The following MARCHF8 variants were observed in gnomAD, a reference collection of about 807,000 sequenced individuals.
The protein encoded by MARCHF8 is membrane associated ring-CH-type finger 8, also known as E3 ubiquitin-protein ligase MARCHF8.
MARCHF8 carries 40 observed loss-of-function variants against 51.6 expected under a neutral mutation model. The ratio of observed to expected loss-of-function variants is 0.77; its 90% confidence interval spans 0.60 to 1.01. The LOEUF is 1.01. MARCHF8 is among the 50% of genes least tolerant of loss of function. MARCHF8 has a pLI of 0.00. For synonymous variants in MARCHF8, 263 were observed against 280.3 expected, an observed-to-expected ratio of 0.94 and a Z score of 0.62; for missense variants, 685 against 708.6, an observed-to-expected ratio of 0.97 and a Z score of 0.38.
chr10:45,566,064 AC>A (rs1231474644), intron 1 of MARCHF8, among the ~76,000 whole-genome samples: 2 of 152,144 alleles, frequency 1.3e-5, no homozygotes, highest in Non-Finnish European at 2.9e-5. Context: ...GTCATTTTAA[AC>A]AGCAAAGTCA....
intron 2 of MARCHF8, among the ~76,000 whole-genome samples, chr10:45,519,745 G>A (rs1030433745): frequency 1.3e-5 from 2 of 152,128 alleles, no homozygotes; most frequent in African/African-American, 2.4e-5. Flanking sequence ...TTTGGACCAT[G>A]GGCTATGATT....
chr10:45,557,318 G>A (rs185847101), intron 1 of MARCHF8, among the ~76,000 whole-genome samples: 4 of 151,596 alleles, frequency 2.6e-5, no homozygotes, highest in African/African-American at 4.8e-5. Flanking sequence ...TAGTAGAGAC[G>A]GGGTTTTGCC....
intron 1 of MARCHF8, among the ~76,000 whole-genome samples, chr10:45,581,065 G>C (rs2044550268): frequency 6.6e-6 from 1 of 152,090 alleles, no homozygotes; most frequent in African/African-American, 2.4e-5. Context: ...AGAGTAGGAA[G>C]ACCTTAACCA....
intron 1 of MARCHF8, among the ~76,000 whole-genome samples, chr10:45,592,786 A>G (rs2044695969): frequency 6.6e-6 from 1 of 152,230 alleles, no homozygotes; most frequent in Non-Finnish European, 1.5e-5. Flanking sequence ...TGTTGGAGCT[A>G]AGGCTGCCAG....
At chr10:45,507,658 A>G (rs1034687570) in intron 2 of MARCHF8, among the ~76,000 whole-genome samples, 2 of 152,176 alleles carry the variant, frequency 1.3e-5, no homozygotes, top group African/African-American at 4.8e-5. Context: ...AAGACCCTAC[A>G]TCCAACATTG....
intron 2 of MARCHF8, among the ~76,000 whole-genome samples, chr10:45,520,279 A>G (rs983328896): frequency 1.3e-5 from 2 of 152,338 alleles, no homozygotes; most frequent in Non-Finnish European, 2.9e-5. Flanking sequence ...ATTTTAATCC[A>G]TAAATGTTAT....
rs569782455 is a variant in MARCHF8 at position 45,473,049 on chromosome 10, A to C, written c.154-8722T>G. Among the ~76,000 whole-genome samples the C allele has an allele frequency of 1.3e-3, 201 of 152,334 alleles. 1 individual carries two copies. The highest frequency in any genetic ancestry group is 4.4e-3 in the African/African-American group (181 of 41,576). On this transcript the variant is annotated intron_variant, in intron 3 of 7. Transcript: ENST00000453424. ...CAACTCTGCATTCAGAAACAGAAAG[A>C]AGCAAACCCTGGTCTTGACAATCAC...
Position 45,457,927 on chromosome 10 carries a change from C to T in MARCHF8, c.*312G>A. 1 of 314,238 alleles carries T rather than the reference C, an allele frequency of 3.2e-6. No homozygotes were observed. The highest frequency in any genetic ancestry group is 4.9e-5 in the Admixed American group (1 of 20,426). The allele number at this position is 314,238 out of a possible 1,614,324, so 19.5% of individuals were successfully genotyped here. ...CTGGGCACCCCTGCTCCTCCTCTTC[C>T]CTTGGGATTGGCATTTTATTCTCTC... On this transcript the variant is annotated 3_prime_UTR_variant, in exon 8 of 8. Transcript: ENST00000453424.
At chr10:45,479,034 G>A (rs1024733582) in intron 3 of MARCHF8, among the ~76,000 whole-genome samples, 4 of 152,010 alleles carry the variant, frequency 2.6e-5, no homozygotes, top group Non-Finnish European at 5.9e-5. Context: ...AACCAGACAA[G>A]GACACAACAA....
chr10:45,470,485 G>C (rs1843137354), intron 3 of MARCHF8, among the ~76,000 whole-genome samples: 1 of 152,126 alleles, frequency 6.6e-6, no homozygotes, highest in South Asian at 2.1e-4. Flanking sequence ...GCACTTGTGG[G>C]ATTCCATTGG....
chr10:45,510,802 G>A (rs138614972), intron 2 of MARCHF8, among the ~76,000 whole-genome samples: 1 of 152,244 alleles, frequency 6.6e-6, no homozygotes, highest in East Asian at 1.9e-4. Flanking sequence ...TTCATCTAGG[G>A]TCTCTGGATT....
intron 2 of MARCHF8, among the ~76,000 whole-genome samples, chr10:45,491,318 G>A (rs971808172): frequency 6.6e-6 from 1 of 152,154 alleles, no homozygotes; most frequent in Non-Finnish European, 1.5e-5. Context: ...CGGGCAGATT[G>A]CCTGAGGTCA....
rs186397931 is a variant in MARCHF8 at position 45,531,178 on chromosome 10, A to C, written c.102+1932T>G. ...TGTGTATACTGGAGTCCCCAAAGAA[A>C]GAATGGGGGGACAGAAAAAGTATCT... On this transcript the variant is annotated intron_variant, in intron 2 of 7. Transcript: ENST00000453424. 1.3e-3 allele frequency among the ~76,000 whole-genome samples: 197 copies of C among 152,350 alleles called. 1 individual carries two copies. The highest frequency in any genetic ancestry group is 3.6e-3 in the Admixed American group (55 of 15,308).
At chr10:45,591,993 A>C (rs1034262486) in intron 1 of MARCHF8, among the ~76,000 whole-genome samples, 1 of 152,192 alleles carries the variant, frequency 6.6e-6, no homozygotes, top group African/African-American at 2.4e-5. Context: ...TACCTCTTCA[A>C]AGCCTTCATC....
chr10:45,535,892 A>T (rs1410639796), upstream of MARCHF8, among the ~76,000 whole-genome samples: 1 of 152,186 alleles, frequency 6.6e-6, no homozygotes, highest in African/African-American at 2.4e-5. Flanking sequence ...TCTAGAAGAG[A>T]TACTGCCAAA....
intron 2 of MARCHF8, among the ~76,000 whole-genome samples, chr10:45,493,402 C>T (rs1301991668): frequency 6.6e-6 from 1 of 152,180 alleles, no homozygotes; most frequent in Non-Finnish European, 1.5e-5. Context: ...ATGGAAGCCT[C>T]GCTGCATCTT....
At chr10:45,511,693 G>A (rs2043510112) in intron 2 of MARCHF8, among the ~76,000 whole-genome samples, 1 of 152,250 alleles carries the variant, frequency 6.6e-6, no homozygotes, top group Non-Finnish European at 1.5e-5. Flanking sequence ...TGCAGACGGA[G>A]TCTGGTTCAC....
chr10:45,523,528 A>G (rs1216676068), intron 2 of MARCHF8, among the ~76,000 whole-genome samples: 3 of 152,232 alleles, frequency 2.0e-5, no homozygotes, highest in African/African-American at 4.8e-5. Context: ...TCTAAACTAA[A>G]TAAATAAAAA....
chr10:45,565,419 A>T (rs982197959), intron 1 of MARCHF8, among the ~76,000 whole-genome samples: 1 of 152,098 alleles, frequency 6.6e-6, no homozygotes, highest in Non-Finnish European at 1.5e-5. Context: ...AGAGAGTAAG[A>T]CCCTGCATCA....
Sources: allele counts gnomAD v4.1 joint callset (sites outside exome capture counted in the v4.1 genomes callset), GRCh38; gene constraint gnomAD v4.1.1; transcripts MANE v1.5; gene names NCBI Gene and HGNC (gene_info 2026-07-23, HGNC 2026-07-21).